The following DMAP1 variants were observed in gnomAD, a reference collection of about 807,000 sequenced individuals.
The protein encoded by DMAP1 is DNA methyltransferase 1-associated protein 1.
In DMAP1, 26 loss-of-function variants were observed where a neutral mutation model predicts 52.7. The observed-to-expected ratio is 0.49, with a 90% CI of 0.36 to 0.68. The LOEUF (loss-of-function observed/expected upper bound fraction) is 0.68. Ranked by LOEUF, DMAP1 falls within the 30% of genes least tolerant of loss-of-function variation. The pLI, the probability that DMAP1 is intolerant of heterozygous loss-of-function variation, is 0.00. For missense variants in DMAP1, 439 were observed against 625.2 expected, an observed-to-expected ratio of 0.70 and a Z score of 3.18; for synonymous variants, 231 against 246.0, an observed-to-expected ratio of 0.94 and a Z score of 0.57.
At chr1:44,220,537 A>G in intron 9 of DMAP1, 22 bp from the exon 10 acceptor site, 2 of 1,614,230 alleles carry the variant, frequency 1.2e-6, no homozygotes, top group Non-Finnish European at 1.7e-6. Flanking sequence ...CACTGACCTC[A>G]ATGCCTTCTG....
Position 44,213,758 on chromosome 1 carries a change from C to T in DMAP1, c.5C>T (p.Ala2Val), listed in dbSNP as rs1643729875. 2 of 1,578,554 alleles carry T rather than the reference C, an allele frequency of 1.3e-6. No homozygotes were observed. The highest frequency in any genetic ancestry group is 2.3e-5 in the South Asian group (2 of 85,826). Residue 2 changes from alanine to valine, a missense_variant, in exon 1 of 10, where the codon GCT (alanine) becomes GTT (valine). By Grantham distance (64) the Ala-to-Val change is moderately conservative. This residue lies in a region of DMAP1 where 118 missense variants were observed against 189.8 expected (regional missense o/e 0.62). Coordinates refer to ENST00000372289, the MANE Select transcript of DMAP1 (RefSeq NM_019100.5). This position sits in a 1 kb window ranked among gnomAD's most constrained non-coding sequence, Gnocchi z 4.5. ...CTCCCCCATCTCTCAGGCGCGATGG[C>T]TACGGGCGCGGATGTACGGGACATT... M[A>V]TGADVRDILE...
intron 3 of DMAP1, chr1:44,215,986 C>T (rs1643784713): frequency 6.6e-6 from 1 of 152,548 alleles, no homozygotes; most frequent in African/African-American, 2.4e-5. Context: ...CAATCTTTGT[C>T]CCTGGGCTGG....
At chr1:44,217,530 G>T (rs1024139538) in intron 3 of DMAP1, 8 of 152,410 alleles carry the variant, frequency 5.2e-5, no homozygotes, top group Admixed American at 4.6e-4. Context: ...GGGTGATGGT[G>T]ATATTGACTG....
chr1:44,214,925 C>G (rs1643756962), intron 3 of DMAP1, 27 bp downstream of exon 3: 18 of 1,613,256 alleles, frequency 1.1e-5, no homozygotes, highest in Non-Finnish European at 1.4e-5. Context: ...CGGACACAGG[C>G]CAAGATTGCC....
Position 44,218,791 on chromosome 1 carries a change from C to T in DMAP1, c.720+36C>T, listed in dbSNP as rs779267606. ...GGCCACATACCTGTCCTCCATGCCC[C>T]AAACCCCTTGCTCATTGTCTCCATC... On this transcript the variant is annotated intron_variant, in intron 5 of 9. Coordinates refer to ENST00000372289, the MANE Select transcript of DMAP1 (RefSeq NM_019100.5). This position sits in a 1 kb window ranked among gnomAD's most constrained non-coding sequence, Gnocchi z 5.6. 1.9e-5 allele frequency: 29 copies of T among 1,566,148 alleles called. No individual in the cohort carries two copies. The African/African-American group carries it at 2.8e-4, about 15-fold the overall frequency.
Position 44,219,156 on chromosome 1 carries a change from C to T in DMAP1, c.821C>T (p.Ala274Val), listed in dbSNP as rs755107516. The T allele has an allele frequency of 3.7e-6, 6 of 1,614,086 alleles. No individual in the cohort carries two copies. The highest frequency in any genetic ancestry group is 5.1e-6 in the Non-Finnish European group (6 of 1,180,050). The change falls in exon 6 of 10, where the codon GCG becomes GTG. Residue 274 changes from alanine (A) to valine (V), a missense_variant. Ala to Val is a moderately conservative substitution (Grantham distance 64). This residue lies in a region of DMAP1 where 179 missense variants were observed against 285.9 expected (regional missense o/e 0.63). Coordinates refer to ENST00000372289, the MANE Select transcript of DMAP1 (RefSeq NM_019100.5). Reference protein sequence around the residue: ...RSQDLQKLITAADTTAEQRRT... With the variant: ...RSQDLQKLITVADTTAEQRRT... ...CAGGACCTGCAGAAGCTGATCACAG[C>T]GGCAGACACCACTGCAGAGCAGCGG...
chr1:44,219,625 C>T (rs1459674746), intron 7 of DMAP1, 148 bp downstream of exon 7: 2 of 1,142,660 alleles, frequency 1.8e-6, no homozygotes, highest in African/African-American at 1.6e-5. Context: ...AGTGATGTGG[C>T]CAGGCTAAGG....
Position 44,214,340 on chromosome 1 carries a change from C to T in DMAP1, c.106-10C>T. ...AGGTTGTGGTTCCTTTCTGTGGTTT[C>T]CTTCCTCAGAAAAAATCCAAGAAGT... On this transcript the variant is annotated splice_polypyrimidine_tract_variant and intron_variant, in intron 1 of 9. Coordinates refer to ENST00000372289, the MANE Select transcript of DMAP1 (RefSeq NM_019100.5). 2.5e-6 allele frequency: 4 copies of T among 1,612,892 alleles called. No homozygotes were observed. Among genetic ancestry groups the T allele is most frequent in the Non-Finnish European group, 2.5e-6 (3 of 1,179,234 alleles).
At chr1:44,215,149 C>G (rs906962418) in intron 3 of DMAP1, 1 of 631,478 alleles carries the variant, frequency 1.6e-6, no homozygotes, top group Non-Finnish European at 2.9e-6. Flanking sequence ...GTTGCTGTTC[C>G]TCAGAGCTGT....
At position 44,218,302 on chromosome 1, in the gene DMAP1, T is replaced by C; in HGVS notation, c.394-9T>C. 1 of 1,614,236 alleles carries C rather than the reference T, an allele frequency of 6.2e-7. No homozygotes were observed. Among genetic ancestry groups the C allele is most frequent in the Non-Finnish European group, 8.5e-7 (1 of 1,180,030 alleles). On this transcript the variant is annotated splice_polypyrimidine_tract_variant and intron_variant, in intron 3 of 9. Transcript: ENST00000372289. The surrounding 1 kb of genome is among the most constrained non-coding windows in gnomAD (Gnocchi z 5.6). Reference sequence around the variant, plus strand: ...GGCATGCCCCTACTGTGTCCCTCTGTGCTAGTAGACTGTGCAGGTGCCTGT... The same window carrying C: ...GGCATGCCCCTACTGTGTCCCTCTGCGCTAGTAGACTGTGCAGGTGCCTGT...
Position 44,215,468 on chromosome 1 carries a change from C to T in DMAP1, c.393+570C>T. 3 of 372,104 alleles carry T rather than the reference C, an allele frequency of 8.1e-6. 1 individual carries two copies. The highest frequency in any genetic ancestry group is 1.6e-5 in the Non-Finnish European group (3 of 185,260). The allele number at this position is 372,104 out of a possible 1,614,324, so 23.1% of individuals were successfully genotyped here. On this transcript the variant is annotated intron_variant, in intron 3 of 9. Transcript: ENST00000372289. ...ACTTAGTCTTCTCCCTTAGTCCTCACAGTATTTAAATCAACAACAGAACAA... is the reference window on the plus strand; with the variant it reads ...ACTTAGTCTTCTCCCTTAGTCCTCATAGTATTTAAATCAACAACAGAACAA...
rs753063579 is a variant in DMAP1, at chr1:44,220,353, GT to G, written c.1344+45del. 3 of 1,521,836 alleles carry G rather than the reference GT, an allele frequency of 2.0e-6. No homozygotes were observed. In the African/African-American group the frequency reaches 4.1e-5, roughly 21 times the overall value. The allele number at this position is 1,521,836 out of a possible 1,614,324, so 94.3% of individuals were successfully genotyped here. ...TGGGAGGCACGCCTGGGCCCTGCGA[GT>G]GAGCACATGCACATGGGTGTAGGGG... On this transcript the variant is annotated intron_variant, in intron 9 of 9. Coordinates refer to ENST00000372289, the MANE Select transcript of DMAP1 (RefSeq NM_019100.5).
chr1:44,218,743 G>A lies in DMAP1; in HGVS notation c.708G>A (p.Arg236=), dbSNP rs1283796037. ...AACAGCTTGAGCGTCTCTACAACCG[G>A]ACCCCAGAGCAGGTAAGCCCAAGGC... is the stretch of plus-strand genomic sequence containing the variant. The part of the protein sequence containing the change: ...RKEQLERLYN[R]TPEQVAEEEY... Residue 236 remains arginine (R), a synonymous_variant, in exon 5 of 10, where the codon CGG becomes CGA. Coordinates refer to ENST00000372289, the MANE Select transcript of DMAP1 (RefSeq NM_019100.5). The surrounding 1 kb of genome is among the most constrained non-coding windows in gnomAD (Gnocchi z 5.6). The A allele has an allele frequency of 3.7e-6, 6 of 1,608,012 alleles. No individual in the cohort carries two copies. The East Asian group carries it at 8.9e-5, about 24-fold the overall frequency.
chr1:44,218,460 G>A lies in DMAP1; in HGVS notation c.543G>A (p.Gln181=), dbSNP rs774579658. The A allele has an allele frequency of 6.2e-7, 1 of 1,614,170 alleles. No individual in the cohort carries two copies. The highest frequency in any genetic ancestry group is 8.5e-7 in the Non-Finnish European group (1 of 1,179,994). The part of the protein sequence containing the change: ...FVVIHDRYDH[Q]QFKKRSVEDL... ...TTATCCATGACCGGTATGACCACCA[G>A]CAGTTCAAGGTGAGCCATTGTGTAT... Residue 181 remains glutamine, a synonymous_variant, in exon 4 of 10, where the codon CAG becomes CAA. Transcript: ENST00000372289. The surrounding 1 kb of genome is among the most constrained non-coding windows in gnomAD (Gnocchi z 5.6).
intron 3 of DMAP1, chr1:44,215,229 C>T (rs1220532673): frequency 2.0e-6 from 1 of 493,716 alleles, no homozygotes; most frequent in East Asian, 5.8e-5. Context: ...GTTACCCTCT[C>T]TACAAGTCAC....
Position 44,213,981 on chromosome 1 carries a change from TAACAG to T in DMAP1, c.105+124_105+128del, listed in dbSNP as rs1643735997. On this transcript the variant is annotated intron_variant, in intron 1 of 9. Transcript: ENST00000372289. The surrounding 1 kb of genome is among the most constrained non-coding windows in gnomAD (Gnocchi z 4.5). ...GAGTTGGGCGATAAAAGGGGTGACA[TAACAG>T]GACAGGGAATATGTGTCATCCTTGA... The T allele has an allele frequency of 6.8e-6, 6 of 876,780 alleles. No homozygotes were observed. Among genetic ancestry groups the T allele is most frequent in the Middle Eastern group, 2.2e-4 (1 of 4,538 alleles). The allele number at this position is 876,780 out of a possible 1,614,324, so 54.3% of individuals were successfully genotyped here. A position where few individuals can be genotyped will look rare whatever the true frequency, so the allele number is the denominator to read the frequency against.
intron 7 of DMAP1, 139 bp downstream of exon 7, chr1:44,219,616 G>A: frequency 8.7e-7 from 1 of 1,150,050 alleles, no homozygotes; most frequent in Non-Finnish European, 1.2e-6. Flanking sequence ...CAGGATCTCA[G>A]TGATGTGGCC....
At position 44,213,787 on chromosome 1, in the gene DMAP1, G is replaced by A. The variant is rs1309508833; in HGVS notation, c.34G>A (p.Glu12Lys). The A allele has an allele frequency of 2.5e-6, 4 of 1,593,054 alleles. 1 individual carries two copies. In the South Asian group the frequency reaches 4.6e-5, roughly 18 times the overall value. The change falls in exon 1 of 10, where the codon GAA (glutamate) becomes AAA (lysine). Residue 12 changes from glutamate (E) to lysine (K), a missense_variant. This residue lies in a region of DMAP1 where 118 missense variants were observed against 189.8 expected (regional missense o/e 0.62). Coordinates refer to ENST00000372289, the MANE Select transcript of DMAP1 (RefSeq NM_019100.5). The surrounding 1 kb of genome is among the most constrained non-coding windows in gnomAD (Gnocchi z 4.5). ...GGGCGCGGATGTACGGGACATTCTAGAACTCGGGGGTCCAGAAGGGGATGC... is the reference window on the plus strand; with the variant it reads ...GGGCGCGGATGTACGGGACATTCTAAAACTCGGGGGTCCAGAAGGGGATGC... ...ATGADVRDIL[E>K]LGGPEGDAAS... is the part of the protein sequence containing the mutation.
chr1:44,218,909 T>C lies in DMAP1; in HGVS notation c.721-147T>C. The C allele has an allele frequency of 1.4e-6, 2 of 1,383,710 alleles. No individual in the cohort carries two copies. The highest frequency in any genetic ancestry group is 9.9e-7 in the Non-Finnish European group (1 of 1,013,826). The allele number at this position is 1,383,710 out of a possible 1,614,324, so 85.7% of individuals were successfully genotyped here. On this transcript the variant is annotated intron_variant, in intron 5 of 9. Coordinates refer to ENST00000372289, the MANE Select transcript of DMAP1 (RefSeq NM_019100.5). The surrounding 1 kb of genome is among the most constrained non-coding windows in gnomAD (Gnocchi z 5.6). ...GCCCATTCCTACTTCTCATGGGCCA[T>C]CCCCCCTGCTTTTCATAGCCCTTCA... is the stretch of plus-strand genomic sequence containing the variant.
Sources: gnomAD v4.1 joint callset for allele counts on GRCh38, gnomAD v4.1.1 for gene constraint, gnomAD v4.1.1 regional missense constraint, Gnocchi (gnomAD v3.1) non-coding constraint, MANE v1.5 for transcripts, NCBI Gene and HGNC (gene_info 2026-07-23, HGNC 2026-07-21) for gene names.